Variants in SORL1 observed in about 807,000 individuals in gnomAD.
SORL1 encodes sortilin-related receptor.
SORL1 carries 127 observed loss-of-function variants against 273.7 expected under a neutral mutation model. The observed-to-expected ratio is 0.46, with a 90% CI of 0.40 to 0.54. The LOEUF is 0.54. Ranked by LOEUF, SORL1 falls within the 20% of genes least tolerant of loss-of-function variation. SORL1 has a pLI of 0.00. For missense variants in SORL1, 2,494 were observed against 2,846.1 expected (o/e 0.88, Z 2.81); for synonymous variants, 1,031 against 1,067.4 (o/e 0.97, Z 0.66).
rs528628889 is a variant in SORL1, at chr11:121,556,081, G to C, written c.2571+763G>C. 1.7e-3 allele frequency among the ~76,000 whole-genome samples: 263 copies of C among 152,320 alleles called. 1 individual carries two copies. The highest frequency in any genetic ancestry group is 6.8e-3 in the Middle Eastern group (2 of 294). On this transcript the variant is annotated intron_variant, in intron 18 of 47. Coordinates refer to ENST00000260197, the MANE Select transcript of SORL1 (RefSeq NM_003105.6). The stretch of plus-strand genomic sequence containing the variant: ...CCACTAGCTCAGCGACATGGGGCAA[G>C]GTGCTTATGCTTTCTAAACTTCAGT...
chr11:121,504,895 C>G (rs564990738), intron 6 of SORL1, among the ~76,000 whole-genome samples: 1 of 152,062 alleles, frequency 6.6e-6, no homozygotes, highest in African/African-American at 2.4e-5. Context: ...GTGTTTTTAT[C>G]ATGAAAAAAT....
chr11:121,620,768 A>G (rs1863712095), intron 43 of SORL1, among the ~76,000 whole-genome samples: 1 of 152,200 alleles, frequency 6.6e-6, no homozygotes, highest in Non-Finnish European at 1.5e-5. Context: ...CTGAGTTTGG[A>G]TGTGCTTGCT....
chr11:121,492,286 G>A (rs890551005), intron 5 of SORL1, among the ~76,000 whole-genome samples: 2 of 152,108 alleles, frequency 1.3e-5, no homozygotes, highest in African/African-American at 4.8e-5. Context: ...GCTTGAACCC[G>A]GTAGGTGGAG....
chr11:121,454,845 A>C (rs115310735), intron 1 of SORL1, among the ~76,000 whole-genome samples: 247 of 152,230 alleles, frequency 1.6e-3, no homozygotes, highest in African/African-American at 5.8e-3. Flanking sequence ...ATTTGGAATG[A>C]TCTTTCTAGC....
intron 27 of SORL1, 70 bp downstream of exon 27, chr11:121,586,399 T>C: frequency 3.4e-6 from 4 of 1,174,984 alleles, no homozygotes; most frequent in Non-Finnish European, 5.1e-6. Context: ...TATATTGGAC[T>C]AAATCCTTTC....
At chr11:121,540,031 A>G (rs866970773) in intron 12 of SORL1, among the ~76,000 whole-genome samples, 3 of 152,306 alleles carry the variant, frequency 2.0e-5, no homozygotes, top group Admixed American at 6.5e-5. Context: ...TCTTGCTACT[A>G]TTCCAACAGA....
At chr11:121,552,033 C>T (rs1862514238) in intron 16 of SORL1, among the ~76,000 whole-genome samples, 1 of 152,126 alleles carries the variant, frequency 6.6e-6, no homozygotes, top group South Asian at 2.1e-4. Flanking sequence ...TTAAAGCCAT[C>T]TAAACTGGCA....
Position 121,595,930 on chromosome 11 carries a change from C to T in SORL1, c.4519+158C>T, listed in dbSNP as rs548235191. Reference sequence around the variant, plus strand: ...TGCATTCTCCACAAGCGCTTTGCCACGTGCACCCATACCATTGCGTTAGTC... The same window carrying T: ...TGCATTCTCCACAAGCGCTTTGCCATGTGCACCCATACCATTGCGTTAGTC... On this transcript the variant is annotated intron_variant, in intron 32 of 47. Transcript: ENST00000260197. This position sits in a 1 kb window ranked among gnomAD's most constrained non-coding sequence, Gnocchi z 5.1. Among the ~76,000 whole-genome samples the T allele has an allele frequency of 5.2e-5, 8 of 152,386 alleles. No homozygotes were observed. Among genetic ancestry groups the T allele is most frequent in the South Asian group, 2.1e-4 (1 of 4,832 alleles).
At chr11:121,558,177 A>C (rs1862619319) in intron 19 of SORL1, among the ~76,000 whole-genome samples, 2 of 152,218 alleles carry the variant, frequency 1.3e-5, no homozygotes, top group Admixed American at 6.5e-5. Flanking sequence ...TGCACGCCAA[A>C]TAGGATTGTA....
chr11:121,480,246 A>G (rs142014518), intron 3 of SORL1, among the ~76,000 whole-genome samples: 1 of 152,320 alleles, frequency 6.6e-6, no homozygotes, highest in Non-Finnish European at 1.5e-5. Context: ...CCATTAAACA[A>G]TGTATGTATG....
intron 6 of SORL1, among the ~76,000 whole-genome samples, chr11:121,502,953 G>T (rs550946507): frequency 1.3e-5 from 2 of 151,692 alleles, no homozygotes; most frequent in South Asian, 4.2e-4. Context: ...CACTGCAGCC[G>T]TGATCTTCGT....
At chr11:121,606,783 A>G in intron 35 of SORL1, 62 bp from the exon 36 acceptor site, 1 of 1,096,970 alleles carries the variant, frequency 9.1e-7, no homozygotes, top group Non-Finnish European at 1.4e-6. Context: ...TAAGCCCAGG[A>G]AAATTCCTCT....
At chr11:121,566,609 C>T (rs1378081147) in intron 21 of SORL1, 3 of 227,458 alleles carry the variant, frequency 1.3e-5, no homozygotes, top group Non-Finnish European at 2.6e-5. Context: ...GCCACTTCAA[C>T]ACCCATGCTC....
Position 121,539,606 on chromosome 11 carries a change from A to AT in SORL1, c.1686-3934dup, listed in dbSNP as rs573193402. Among the ~76,000 whole-genome samples, 23 of 150,772 alleles carry AT rather than the reference A, an allele frequency of 1.5e-4. No homozygotes were observed. In the South Asian group the frequency reaches 3.5e-3, roughly 23 times the overall value. ...TTGATAAAGATAAAAGCAAAATAGAATTTTTTTTCTATTTTTTTTAGACCC... is the reference window on the plus strand; with the variant it reads ...TTGATAAAGATAAAAGCAAAATAGAATTTTTTTTTCTATTTTTTTTAGACCC... On this transcript the variant is annotated intron_variant, in intron 12 of 47. Transcript: ENST00000260197.
chr11:121,604,307 A>G lies in SORL1; in HGVS notation c.4634A>G (p.Asp1545Gly). The G allele has an allele frequency of 6.2e-7, 1 of 1,606,716 alleles. No homozygotes were observed. Among genetic ancestry groups the G allele is most frequent in the Non-Finnish European group, 8.5e-7 (1 of 1,175,734 alleles). The change falls in exon 33 of 48, where the codon GAT becomes GGT. Residue 1545 changes from aspartate to glycine, a missense_variant. By Grantham distance (94) the Asp-to-Gly change is moderately conservative (BLOSUM62 -1). This residue lies in a region of SORL1 where 1,609 missense variants were observed against 1,816.4 expected (regional missense o/e 0.89). Coordinates refer to ENST00000260197, the MANE Select transcript of SORL1 (RefSeq NM_003105.6). ...DGFLDCSDES[D>G]EKACSDELTV... The stretch of plus-strand genomic sequence containing the variant: ...TTCCTGGACTGCTCGGACGAGAGCG[A>G]TGAAAAGGCCTGCAGTGGTGAGTGC...
In SORL1 at chr11:121,595,545, C is replaced by T; in HGVS notation, c.4370-78C>T. 2 of 1,278,852 alleles carry T rather than the reference C, an allele frequency of 1.6e-6. No individual in the cohort carries two copies. The highest frequency in any genetic ancestry group is 2.2e-6 in the Non-Finnish European group (2 of 913,266). The allele number at this position is 1,278,852 out of a possible 1,614,324, so 79.2% of individuals were successfully genotyped here. ...GTAATTTCTAAAGCACCGTAATCTC[C>T]TAGCATATTGATTGGTTGCTGTTAT... On this transcript the variant is annotated intron_variant, in intron 31 of 47. Transcript: ENST00000260197. The surrounding 1 kb of genome is among the most constrained non-coding windows in gnomAD (Gnocchi z 5.1).
chr11:121,609,358 T>A (rs116762185), intron 38 of SORL1: 69 of 152,368 alleles, frequency 4.5e-4, no homozygotes, highest in African/African-American at 1.5e-3. Flanking sequence ...AGAGAAAGCC[T>A]GCTGAATTCA....
intron 4 of SORL1, among the ~76,000 whole-genome samples, 183 bp downstream of exon 4, chr11:121,488,376 T>G (rs1373058648): frequency 6.6e-6 from 1 of 152,120 alleles, no homozygotes; most frequent in Non-Finnish European, 1.5e-5. Flanking sequence ...CCTGGCACTC[T>G]CAGTTGGCAG....
At chr11:121,479,936 G>T (rs1021780420) in intron 3 of SORL1, among the ~76,000 whole-genome samples, 2 of 152,172 alleles carry the variant, frequency 1.3e-5, no homozygotes, top group African/African-American at 2.4e-5. Context: ...TGGCCCCATA[G>T]ACGGGTCAGC....
Sources: allele counts gnomAD v4.1 joint callset (sites outside exome capture counted in the v4.1 genomes callset), GRCh38; gene constraint gnomAD v4.1.1; regional missense constraint gnomAD v4.1.1; non-coding constraint Gnocchi (gnomAD v3.1); transcripts MANE v1.5; gene names NCBI Gene and HGNC (gene_info 2026-07-23, HGNC 2026-07-21).